Variants in PCDHA7 observed in about 807,000 individuals in gnomAD.
PCDHA7 encodes protocadherin alpha 7, also known as protocadherin alpha-7.
PCDHA7 carries 37 observed loss-of-function variants against 57.2 expected under a neutral mutation model. The observed-to-expected ratio is 0.65, with a 90% CI of 0.50 to 0.85. The LOEUF (loss-of-function observed/expected upper bound fraction) is 0.85, where lower values mean the gene tolerates loss of function less well. Ranked by LOEUF, PCDHA7 falls within the 40% of genes least tolerant of loss-of-function variation. The pLI is 0.00. For missense variants in PCDHA7, 1,188 were observed against 1,241.8 expected (o/e 0.96, Z 0.65); for synonymous variants, 553 against 558.8 (o/e 0.99, Z 0.15).
rs1228341912 is a variant in PCDHA7 at position 140,843,752 on chromosome 5, T to G, written c.2355+7014T>G. 2.6e-6 allele frequency: 4 copies of G among 1,516,428 alleles called. No individual in the cohort carries two copies. In the African/African-American group the frequency reaches 5.5e-5, roughly 21 times the overall value. The allele number at this position is 1,516,428 out of a possible 1,614,324, so 93.9% of individuals were successfully genotyped here. ...TAAATTTAGAACTCATAAATTCTAT[T>G]TGTGGAAATTGTAGTTACTTTAAAA... On this transcript the variant is annotated intron_variant, in intron 1 of 3. Transcript: ENST00000525929.
intron 3 of PCDHA7, among the ~76,000 whole-genome samples, chr5:140,985,169 C>G (rs1169892350): frequency 6.6e-6 from 1 of 152,122 alleles, no homozygotes; most frequent in Non-Finnish European, 1.5e-5. Flanking sequence ...AATCTCCTGA[C>G]CTCGTAATCC....
intron 1 of PCDHA7, among the ~76,000 whole-genome samples, chr5:140,901,970 G>T (rs1178784932): frequency 1.3e-5 from 2 of 151,954 alleles, no homozygotes; most frequent in Non-Finnish European, 2.9e-5. Context: ...TCGTAAATGG[G>T]ATTACTTTTT....
chr5:140,948,528 T>C (rs1234543318), intron 1 of PCDHA7, among the ~76,000 whole-genome samples: 1 of 151,686 alleles, frequency 6.6e-6, no homozygotes, highest in Non-Finnish European at 1.5e-5. Context: ...ACTATTTATA[T>C]TTTATTTCAT....
At chr5:140,923,528 CA>C (rs1240707958) in intron 1 of PCDHA7, among the ~76,000 whole-genome samples, 1 of 151,622 alleles carries the variant, frequency 6.6e-6, no homozygotes, top group Non-Finnish European at 1.5e-5. Context: ...GATTCTGTCC[CA>C]AAAAAAGGAC....
intron 1 of PCDHA7, among the ~76,000 whole-genome samples, chr5:140,941,126 G>T (rs1194807243): frequency 6.6e-6 from 1 of 151,906 alleles, no homozygotes; most frequent in Non-Finnish European, 1.5e-5. Flanking sequence ...GTCCTTTGAA[G>T]TTCCAGCTTA....
At chr5:140,985,290 A>G (rs1471502675) in intron 3 of PCDHA7, among the ~76,000 whole-genome samples, 1 of 152,108 alleles carries the variant, frequency 6.6e-6, no homozygotes, top group Non-Finnish European at 1.5e-5. Flanking sequence ...TCTATGATAT[A>G]GTGTTGGCTG....
chr5:140,859,991 A>G (rs1486965129), intron 1 of PCDHA7: 1 of 152,000 alleles, frequency 6.6e-6, no homozygotes, highest in Admixed American at 6.6e-5. Context: ...TAATCTCTCC[A>G]TCAATACTAA....
chr5:140,955,846 T>G (rs1256650141), intron 1 of PCDHA7, among the ~76,000 whole-genome samples: 1 of 152,218 alleles, frequency 6.6e-6, no homozygotes, highest in African/African-American at 2.4e-5. Context: ...GTCATTCTCC[T>G]TGAAGAGGTC....
intron 1 of PCDHA7, chr5:140,851,627 C>A: frequency 1.1e-6 from 1 of 918,296 alleles, no homozygotes. Context: ...GCTTTTTAAA[C>A]AAGTGTTTCC....
In PCDHA7 at chr5:140,853,190, C is replaced by A. The variant is rs1013741160; in HGVS notation, c.2355+16452C>A. On this transcript the variant is annotated intron_variant, in intron 1 of 3. Transcript: ENST00000525929. ...CACCGCGCCTGGCCTAAAATGTGTT[C>A]TTTATTATTGACGGCTGTATTGATG... is the stretch of plus-strand genomic sequence containing the variant. 7.1e-6 allele frequency: 7 copies of A among 980,440 alleles called. No individual in the cohort carries two copies. In the African/African-American group the frequency reaches 1.2e-4, roughly 17 times the overall value. The allele number at this position is 980,440 out of a possible 1,614,324, so 60.7% of individuals were successfully genotyped here.
At chr5:140,851,758 C>A (rs1554145527) in intron 1 of PCDHA7, 1 of 969,910 alleles carries the variant, frequency 1.0e-6, no homozygotes, top group Non-Finnish European at 1.2e-6. Flanking sequence ...TAACTTAAAA[C>A]ATTACCCTTA....
Position 140,835,417 on chromosome 5 carries a change from A to T in PCDHA7, c.1034A>T (p.Asp345Val), listed in dbSNP as rs1554134958. 1.2e-5 allele frequency: 19 copies of T among 1,613,960 alleles called. No homozygotes were observed. The highest frequency in any genetic ancestry group is 1.5e-5 in the Non-Finnish European group (18 of 1,179,872). Residue 345 changes from aspartate to valine, a missense_variant, in exon 1 of 4, where the codon GAC becomes GTC. Physicochemically the swap from Asp to Val is radical, Grantham distance 152 (BLOSUM62 -3). This residue lies in a region of PCDHA7 where 102 missense variants were observed against 267.4 expected (regional missense o/e 0.38). Transcript: ENST00000525929. ...CTTGTGGAAGTTGTGGATGTAAATG[A>T]CAATGCTCCACAGTTGACTCTCACT... ...TVLVEVVDVN[D>V]NAPQLTLTSL...
chr5:140,842,686 C>T lies in PCDHA7; in HGVS notation c.2355+5948C>T, dbSNP rs2150342048. Reference sequence around the variant, plus strand: ...ACGTGAACGACAATGCTCCGGCGTTCGCGCAGCCCGAGTACACGGTGTTCG... The same window carrying T: ...ACGTGAACGACAATGCTCCGGCGTTTGCGCAGCCCGAGTACACGGTGTTCG... On this transcript the variant is annotated intron_variant, in intron 1 of 3. Transcript: ENST00000525929. 1.9e-6 allele frequency: 3 copies of T among 1,595,316 alleles called. 1 individual carries two copies. The South Asian group carries it at 3.3e-5, about 18-fold the overall frequency.
chr5:140,910,864 A>G (rs2153516118), intron 1 of PCDHA7, among the ~76,000 whole-genome samples: 1 of 152,266 alleles, frequency 6.6e-6, no homozygotes, highest in Non-Finnish European at 1.5e-5. Context: ...TCCATCCACC[A>G]TTATCCCACA....
intron 1 of PCDHA7, among the ~76,000 whole-genome samples, chr5:140,964,622 T>C (rs1435749865): frequency 2.0e-5 from 3 of 152,048 alleles, no homozygotes; most frequent in Non-Finnish European, 4.4e-5. Flanking sequence ...ATTCCACTTA[T>C]AAGCCATTTA....
In PCDHA7 at chr5:140,836,636, C is replaced by A. The variant is rs2150266431; in HGVS notation, c.2253C>A (p.Ser751=). The A allele has an allele frequency of 5.6e-6, 9 of 1,613,404 alleles. No homozygotes were observed. The highest frequency in any genetic ancestry group is 3.3e-5 in the Admixed American group (2 of 59,974). The change falls in exon 1 of 4, where the codon TCC becomes TCA. Residue 751 remains serine, a synonymous_variant. Coordinates refer to ENST00000525929, the MANE Select transcript of PCDHA7 (RefSeq NM_018910.3). Reference sequence around the variant, plus strand: ...GCGCGGTGGGGAGCTGGTCATTCTCCCAGCAGAGGCGGCAGAGGGTGTGCT... The same window carrying A: ...GCGCGGTGGGGAGCTGGTCATTCTCACAGCAGAGGCGGCAGAGGGTGTGCT... ...CSSAVGSWSF[S]QQRRQRVCSG...
intron 1 of PCDHA7, among the ~76,000 whole-genome samples, chr5:140,935,347 T>C (rs886241397): frequency 1.3e-5 from 2 of 152,180 alleles, no homozygotes; most frequent in African/African-American, 4.8e-5. Flanking sequence ...ATACGTCAAA[T>C]CCCAGTTTTC....
chr5:140,900,817 A>G (rs2068314504), intron 1 of PCDHA7, among the ~76,000 whole-genome samples: 1 of 152,154 alleles, frequency 6.6e-6, no homozygotes, highest in Non-Finnish European at 1.5e-5. Context: ...ACTAATTTAC[A>G]TTCCCACCAA....
chr5:140,883,000 ATCCGT>A (rs1554176436), intron 1 of PCDHA7: 1 of 1,614,138 alleles, frequency 6.2e-7, no homozygotes, highest in Non-Finnish European at 8.5e-7. Flanking sequence ...AATTTTACCA[ATCCGT>A]TTATAAAGTG....
Sources: gnomAD v4.1 joint callset for allele counts (sites outside exome capture counted in the v4.1 genomes callset) on GRCh38, gnomAD v4.1.1 for gene constraint, gnomAD v4.1.1 regional missense constraint, MANE v1.5 for transcripts, NCBI Gene and HGNC (gene_info 2026-07-23, HGNC 2026-07-21) for gene names.